Variants in BRCA1 observed in about 807,000 individuals in gnomAD.
BRCA1 encodes breast cancer type 1 susceptibility protein.
In BRCA1, 140 loss-of-function variants were observed where a neutral mutation model predicts 173.7. The observed-to-expected ratio is 0.81, with a 90% CI of 0.70 to 0.93. The LOEUF is 0.93. Ranked by LOEUF, BRCA1 falls within the 40% of genes least tolerant of loss-of-function variation. The pLI is 0.00. For synonymous variants in BRCA1, 662 were observed against 756.0 expected (o/e 0.88, Z 2.04); for missense variants, 1,983 against 2,172.5 (o/e 0.91, Z 1.73).
chr17:43,082,732 T>TAATTG, intron 11 of BRCA1, 157 bp from the exon 12 acceptor site: 2 of 770,514 alleles, frequency 2.6e-6, no homozygotes, highest in Non-Finnish European at 2.1e-6. Context: ...CTAACCACAT[T>TAATTG]CATGCAATTA....
intron 3 of BRCA1, among the ~76,000 whole-genome samples, chr17:43,113,777 C>CT (rs202071043): frequency 1.3e-5 from 2 of 152,108 alleles, no homozygotes; most frequent in Non-Finnish European, 2.9e-5. Context: ...CTTAATCTCT[C>CT]TTTTTTTGTT....
chr17:43,057,125 T>A lies in BRCA1; in HGVS notation c.5204A>T (p.Glu1735Val), dbSNP rs2051527499. 1 of 1,613,866 alleles carries A rather than the reference T, an allele frequency of 6.2e-7. No individual in the cohort carries two copies. The highest frequency in any genetic ancestry group is 1.1e-5 in the South Asian group (1 of 91,078). ...TCCATTGACCACATCTCCTCTGACT[T>A]CAAAATCATGCTGAAAGAAACCAAA... Reference protein sequence around the residue: ...ERKMLNEHDFEVRGDVVNGRN... With the variant: ...ERKMLNEHDFVVRGDVVNGRN... Residue 1735 changes from glutamate (E) to valine (V), a missense_variant, in exon 19 of 23, where the codon GAA becomes GTA. Transcript: ENST00000357654.
chr17:43,168,478 A>C (rs1240928065), intron 1 of BRCA1, among the ~76,000 whole-genome samples: 1 of 152,148 alleles, frequency 6.6e-6, no homozygotes, highest in Non-Finnish European at 1.5e-5. Flanking sequence ...TTTCTACTAA[A>C]AATACAAAAA....
rs80357361 is a variant in BRCA1 at position 43,092,773 on chromosome 17, C to T, written c.2758G>A (p.Val920Ile). 12 of 1,613,942 alleles carry T rather than the reference C, an allele frequency of 7.4e-6. No individual in the cohort carries two copies. In the Admixed American group the frequency reaches 8.3e-5, roughly 11 times the overall value. The change falls in exon 10 of 23, where the codon GTA becomes ATA. Residue 920 changes from valine (V) to isoleucine (I), a missense_variant. By Grantham distance (29) the Val-to-Ile change is conservative. Coordinates refer to ENST00000357654, the MANE Select transcript of BRCA1 (RefSeq NM_007294.4). ...QGKNESNIKP[V>I]QTVNITAGFP... is the part of the protein sequence containing the mutation. ...CCTGCAGTGATATTAACTGTCTGTA[C>T]AGGCTTGATATTAGACTCATTCTTT...
intron 1 of BRCA1, 160 bp downstream of exon 1, chr17:43,125,111 T>TTCC: frequency 4.7e-6 from 2 of 423,312 alleles, no homozygotes; most frequent in East Asian, 7.7e-5. Flanking sequence ...ACCTACAAAC[T>TTCC]GCCCCCCTCC....
At position 43,059,201 on chromosome 17, in the gene BRCA1, C is replaced by T. The variant is rs532526756; in HGVS notation, c.5194-2066G>A. 2.0e-5 allele frequency among the ~76,000 whole-genome samples: 3 copies of T among 152,196 alleles called. No individual in the cohort carries two copies. In the South Asian group the frequency reaches 6.2e-4, roughly 32 times the overall value. On this transcript the variant is annotated intron_variant, in intron 18 of 22. Coordinates refer to ENST00000357654, the MANE Select transcript of BRCA1 (RefSeq NM_007294.4). Reference sequence around the variant, plus strand: ...GCATCTGGCCGGGCACAGTGGCTCACACCTGCAATCCCAGCACTTTGGGAG... The same window carrying T: ...GCATCTGGCCGGGCACAGTGGCTCATACCTGCAATCCCAGCACTTTGGGAG...
At chr17:43,168,930 C>T (rs1332615308) in intron 1 of BRCA1, among the ~76,000 whole-genome samples, 2 of 152,098 alleles carry the variant, frequency 1.3e-5, no homozygotes, top group Non-Finnish European at 2.9e-5. Context: ...CAATCAAGGC[C>T]TCCCTGCCCC....
intron 18 of BRCA1, among the ~76,000 whole-genome samples, chr17:43,058,258 C>T (rs927271423): frequency 6.6e-5 from 10 of 151,756 alleles, no homozygotes; most frequent in African/African-American, 2.4e-4. Flanking sequence ...CCTGCAGTCC[C>T]AATTTCTTGA....
intron 12 of BRCA1, among the ~76,000 whole-genome samples, chr17:43,080,477 G>A (rs2052954665): frequency 6.6e-6 from 1 of 151,844 alleles, no homozygotes; most frequent in African/African-American, 2.4e-5. Context: ...GGTTACAGGC[G>A]TGAGCCACCG....
chr17:43,046,019 T>C (rs2050902661), intron 22 of BRCA1, among the ~76,000 whole-genome samples: 1 of 151,594 alleles, frequency 6.6e-6, no homozygotes, highest in African/African-American at 2.4e-5. Flanking sequence ...CCTCCTGGGT[T>C]CAAGCAATTC....
chr17:43,095,706 C>T (rs1276971813), intron 9 of BRCA1, 140 bp downstream of exon 9: 1 of 746,312 alleles, frequency 1.3e-6, no homozygotes, highest in South Asian at 1.5e-5. Context: ...CGACATTTGA[C>T]AGAGAATGAT....
rs80357945 is a variant in BRCA1 at position 43,092,171 on chromosome 17, AAC to A, written c.3358_3359del (p.Val1120Ter). On this transcript the variant is annotated frameshift_variant, in exon 10 of 23. Coordinates refer to ENST00000357654, the MANE Select transcript of BRCA1 (RefSeq NM_007294.4). LOFTEE classifies it high-confidence loss of function. ...KQEYEEVVQT[V>X]NTDFSPYLIS... ...TCAGATATGGAGAGAAATCTGTATT[AAC>A]AGTCTGAACTACTTCTTCATATTCT... The A allele has an allele frequency of 6.2e-7, 1 of 1,613,354 alleles. No homozygotes were observed. Among genetic ancestry groups the A allele is most frequent in the Non-Finnish European group, 8.5e-7 (1 of 1,179,894 alleles).
In BRCA1 at chr17:43,093,515, T is replaced by C. The variant is rs776542749; in HGVS notation, c.2016A>G (p.Lys672=). The change falls in exon 10 of 23, where the codon AAA becomes AAG. Residue 672 remains lysine (K), a synonymous_variant. Transcript: ENST00000357654. The stretch of plus-strand genomic sequence containing the variant: ...TCTTCTTGGCTCCAGTTGCAGGTTC[T>C]TTACCTTCCATGAGTTGTAGGTTTC... ...HSRNLQLMEG[K]EPATGAKKSN... is the part of the protein sequence containing the mutation. 2 of 1,614,106 alleles carry C rather than the reference T, an allele frequency of 1.2e-6. No individual in the cohort carries two copies. Among genetic ancestry groups the C allele is most frequent in the East Asian group, 2.2e-5 (1 of 44,882 alleles).
At position 43,122,547 on chromosome 17, in the gene BRCA1, T is replaced by A. The variant is rs541281969; in HGVS notation, c.80+1470A>T. Reference sequence around the variant, plus strand: ...AGCAGCAGGAATAGAAGATAAAGTGTGTGCTGGGGGTGTGGTAATTTTAAA... The same window carrying A: ...AGCAGCAGGAATAGAAGATAAAGTGAGTGCTGGGGGTGTGGTAATTTTAAA... On this transcript the variant is annotated intron_variant, in intron 2 of 22. Coordinates refer to ENST00000357654, the MANE Select transcript of BRCA1 (RefSeq NM_007294.4). Among the ~76,000 whole-genome samples, 126 of 152,244 alleles carry A rather than the reference T, an allele frequency of 8.3e-4. 1 individual carries two copies. The South Asian group carries it at 0.024, about 30-fold the overall frequency.
chr17:43,110,164 G>A (rs1176815004), intron 3 of BRCA1, among the ~76,000 whole-genome samples: 2 of 152,104 alleles, frequency 1.3e-5, no homozygotes, highest in Admixed American at 1.3e-4. Context: ...AAAGTGCTGG[G>A]ATTACAGGCG....
At chr17:43,107,657 G>A (rs1470141041) in intron 3 of BRCA1, among the ~76,000 whole-genome samples, 1 of 152,074 alleles carries the variant, frequency 6.6e-6, no homozygotes, top group Non-Finnish European at 1.5e-5. Context: ...ATGAGCCACC[G>A]TGCCCAGGCC....
upstream of BRCA1, among the ~76,000 whole-genome samples, chr17:43,128,280 C>CA (rs2055933046): frequency 6.6e-6 from 1 of 151,896 alleles, no homozygotes; most frequent in African/African-American, 2.4e-5. Flanking sequence ...GAGGAACGAA[C>CA]AAACTCCAGA....
In BRCA1 at chr17:43,054,045, C is replaced by CATTTAGT. The variant is rs1341318955; in HGVS notation, c.5278-2935_5278-2929dup. ...CTTCCAGAGAAAAATACTATGGTGA[C>CATTTAGT]ATTTAGTATTTTCAGAATGTCATTA... On this transcript the variant is annotated intron_variant, in intron 19 of 22. Coordinates refer to ENST00000357654, the MANE Select transcript of BRCA1 (RefSeq NM_007294.4). 2.8e-4 allele frequency among the ~76,000 whole-genome samples: 42 copies of CATTTAGT among 151,914 alleles called. 1 individual carries two copies. Among genetic ancestry groups the CATTTAGT allele is most frequent in the Non-Finnish European group, 8.8e-5 (6 of 68,010 alleles).
At chr17:43,050,214 T>C in intron 20 of BRCA1, 1 of 397,958 alleles carries the variant, frequency 2.5e-6, no homozygotes, top group Non-Finnish European at 4.4e-6. Flanking sequence ...AAACCAAATT[T>C]ATACACACAC....
Sources: gnomAD v4.1 joint callset for allele counts (sites outside exome capture counted in the v4.1 genomes callset) on GRCh38, gnomAD v4.1.1 for gene constraint, MANE v1.5 for transcripts, NCBI Gene and HGNC (gene_info 2026-07-23, HGNC 2026-07-21) for gene names.